Variants in RHBG observed in about 807,000 individuals in gnomAD.
RHBG encodes ammonium transporter Rh type B.
In RHBG, 39 loss-of-function variants were observed where a neutral mutation model predicts 40.1. The observed-to-expected ratio is 0.97, with a 90% CI of 0.75 to 1.27. The LOEUF is 1.27. RHBG is among the 50% of genes most tolerant of loss of function. The pLI is 0.00. For missense variants in RHBG, 549 were observed against 588.1 expected (o/e 0.93, Z 0.69); for synonymous variants, 237 against 252.5 (o/e 0.94, Z 0.58).
intron 5 of RHBG, 32 bp downstream of exon 5, chr1:156,381,545 G>A (rs761086692): frequency 5.1e-6 from 8 of 1,575,734 alleles, no homozygotes; most frequent in Admixed American, 3.6e-5. Flanking sequence ...AGAGGCAGAG[G>A]GGGTGGCCTG....
rs778129531 is a variant in RHBG at position 156,382,161 on chromosome 1, C to T, written c.1072C>T (p.Leu358Phe). 5.0e-6 allele frequency: 8 copies of T among 1,614,140 alleles called. No homozygotes were observed. In the Admixed American group the frequency reaches 1.0e-4, roughly 20 times the overall value. Residue 358 changes from leucine to phenylalanine, a missense_variant, in exon 7 of 10, where the codon CTT becomes TTT. Physicochemically the swap from Leu to Phe is conservative, Grantham distance 22 (BLOSUM62 0). This residue lies in a region of RHBG where 399 missense variants were observed against 417.0 expected (regional missense o/e 0.96). Coordinates refer to ENST00000537040, the MANE Select transcript of RHBG (RefSeq NM_020407.5). ...PGVLGALLGV[L>F]VAGLATHEAY... Reference sequence around the variant, plus strand: ...GGTCCTGGGGGCCCTCCTGGGGGTCCTTGTGGCTGGACTTGCCACCCATGA... The same window carrying T: ...GGTCCTGGGGGCCCTCCTGGGGGTCTTTGTGGCTGGACTTGCCACCCATGA...
chr1:156,384,296 A>C, intron 8 of RHBG: 2 of 610,848 alleles, frequency 3.3e-6, no homozygotes, highest in Non-Finnish European at 5.9e-6. Flanking sequence ...TACAGGAATA[A>C]TATTGGCCTT....
intron 4 of RHBG, among the ~76,000 whole-genome samples, chr1:156,380,725 C>CAAAA (rs564713959): frequency 1.8e-4 from 15 of 81,976 alleles, no homozygotes; most frequent in African/African-American, 4.2e-4. Flanking sequence ...GACCTTGTCT[C>CAAAA]AAAAAAAAAA....
intron 8 of RHBG, among the ~76,000 whole-genome samples, chr1:156,383,648 T>A (rs982030311): frequency 1.3e-5 from 2 of 151,714 alleles, no homozygotes; most frequent in Non-Finnish European, 2.9e-5. Context: ...AAGCACTAGG[T>A]TAGATGTGAA....
chr1:156,377,882 AC>A lies in RHBG; in HGVS notation c.375-104del. Reference sequence around the variant, plus strand: ...TCCTTGTCTTCTCTCCAGAACTCCAACCCCACCCCACCCACCACATCATGCT... The same window carrying A: ...TCCTTGTCTTCTCTCCAGAACTCCAACCCACCCCACCCACCACATCATGCT... On this transcript the variant is annotated intron_variant, in intron 2 of 9. Transcript: ENST00000537040. This position sits in a 1 kb window ranked among gnomAD's most constrained non-coding sequence, Gnocchi z 4.6. 8.4e-7 allele frequency: 1 copy of A among 1,184,026 alleles called. No individual in the cohort carries two copies. The allele number at this position is 1,184,026 out of a possible 1,614,324, so 73.3% of individuals were successfully genotyped here.
chr1:156,369,249 C>A lies in RHBG; in HGVS notation c.-1C>A, dbSNP rs1403743100. 5.6e-6 allele frequency: 9 copies of A among 1,612,516 alleles called. No individual in the cohort carries two copies. Among genetic ancestry groups the A allele is most frequent in the Admixed American group, 1.7e-5 (1 of 59,932 alleles). ...CGCCAGCCGAGATCGCAGCCCAACC[C>A]ATGGCCGGGTCTCCTAGCCGCGCCG... On this transcript the variant is annotated 5_prime_UTR_variant, in exon 1 of 10. Coordinates refer to ENST00000537040, the MANE Select transcript of RHBG (RefSeq NM_020407.5).
At chr1:156,384,174 T>C (rs1667877993) in intron 8 of RHBG, among the ~76,000 whole-genome samples, 1 of 152,192 alleles carries the variant, frequency 6.6e-6, no homozygotes, top group Admixed American at 6.5e-5. Context: ...TGGGAGGCCA[T>C]AGAAAGCTCA....
At chr1:156,370,444 A>G (rs1426957132) in intron 1 of RHBG, among the ~76,000 whole-genome samples, 1 of 105,462 alleles carries the variant, frequency 9.5e-6, no homozygotes, top group Non-Finnish European at 2.0e-5. Context: ...GCGAGACTCC[A>G]TCTCGAGAAA....
chr1:156,382,283 G>GA, intron 7 of RHBG, 82 bp downstream of exon 7: 1 of 1,587,934 alleles, frequency 6.3e-7, no homozygotes, highest in Non-Finnish European at 8.6e-7. Flanking sequence ...GTGTGACCAA[G>GA]AAAAAAGAAT....
At chr1:156,382,439 G>C in intron 7 of RHBG, 1 of 635,736 alleles carries the variant, frequency 1.6e-6, no homozygotes, top group African/African-American at 1.8e-5. Context: ...TTACTGAAGG[G>C]TCAGTAAGAG....
rs756857114 is a variant in RHBG at position 156,381,763 on chromosome 1, G to T, written c.841-43G>T. The T allele has an allele frequency of 3.9e-6, 6 of 1,556,622 alleles. No individual in the cohort carries two copies. The African/African-American group carries it at 8.3e-5, about 22-fold the overall frequency. On this transcript the variant is annotated intron_variant, in intron 5 of 9. Transcript: ENST00000537040. ...TGTGTAGGGTTGGGTTGCTGTGGGT[G>T]TGACAATCTGAAAGGGCCTCCAACA...
chr1:156,378,659 G>A (rs951824551), intron 4 of RHBG, among the ~76,000 whole-genome samples: 26 of 152,086 alleles, frequency 1.7e-4, no homozygotes, highest in Non-Finnish European at 8.8e-5. Context: ...ACCTTCCAGG[G>A]CTCCCACCAG....
Position 156,378,395 on chromosome 1 carries a change from G to A in RHBG, c.669G>A (p.Met223Ile), listed in dbSNP as rs1667382836. 1 of 1,597,102 alleles carries A rather than the reference G, an allele frequency of 6.3e-7. No individual in the cohort carries two copies. Among genetic ancestry groups the A allele is most frequent in the South Asian group, 1.1e-5 (1 of 88,686 alleles). Reference sequence around the variant, plus strand: ...TCTACCATTCAGACCTCTTCGCCATGATTGGTGAGGCCTTCGAGGTGCGGT... The same window carrying A: ...TCTACCATTCAGACCTCTTCGCCATAATTGGTGAGGCCTTCGAGGTGCGGT... ...GSVYHSDLFAMIGTIFLWIFW... is the reference protein window; with the variant it reads ...GSVYHSDLFAIIGTIFLWIFW... The change falls in exon 4 of 10, where the codon ATG becomes ATA. Residue 223 changes from methionine to isoleucine, a missense_variant. Met to Ile is a conservative substitution (Grantham distance 10). This residue lies in a region of RHBG where 399 missense variants were observed against 417.0 expected (regional missense o/e 0.96). Coordinates refer to ENST00000537040, the MANE Select transcript of RHBG (RefSeq NM_020407.5).
In RHBG at chr1:156,377,548, C is replaced by A; in HGVS notation, c.374+61C>A. The stretch of plus-strand genomic sequence containing the variant: ...CACTCGGGAGGCCCCTGCCCATGGG[C>A]CCCGGATCTAGCCCTGTCCTTCAAG... On this transcript the variant is annotated intron_variant, in intron 2 of 9. Transcript: ENST00000537040. This position sits in a 1 kb window ranked among gnomAD's most constrained non-coding sequence, Gnocchi z 4.6. 1 of 1,529,214 alleles carries A rather than the reference C, an allele frequency of 6.5e-7. No homozygotes were observed. The highest frequency in any genetic ancestry group is 1.2e-5 in the South Asian group (1 of 84,506). 94.7% of individuals were successfully genotyped at this position (1,529,214 alleles called of 1,614,324 possible). A position where few individuals can be genotyped will look rare whatever the true frequency, so the allele number is the denominator to read the frequency against.
At chr1:156,378,622 T>G (rs919190179) in intron 4 of RHBG, among the ~76,000 whole-genome samples, 1 of 152,124 alleles carries the variant, frequency 6.6e-6, no homozygotes. Context: ...CTGGGTCCTT[T>G]CTAAATCCAC....
In RHBG at chr1:156,383,899, T is replaced by A. The variant is rs547143222; in HGVS notation, c.1235-628T>A. Among the ~76,000 whole-genome samples the A allele has an allele frequency of 4.2e-5, 6 of 141,350 alleles. No individual in the cohort carries two copies. The East Asian group carries it at 1.3e-3, about 31-fold the overall frequency. The allele number at this position is 141,350 out of a possible 152,430, so 92.7% of individuals were successfully genotyped here. ...CCCAGGCTGGAGTGCAATGGCATGA[T>A]CTCAGCTCACTTCAACCTCCACCTC... On this transcript the variant is annotated intron_variant, in intron 8 of 9. Coordinates refer to ENST00000537040, the MANE Select transcript of RHBG (RefSeq NM_020407.5).
chr1:156,370,889 C>T (rs1666810205), intron 1 of RHBG, among the ~76,000 whole-genome samples: 1 of 151,222 alleles, frequency 6.6e-6, no homozygotes, highest in Non-Finnish European at 1.5e-5. Context: ...GTTAACCTCC[C>T]ACCCCCACCC....
At position 156,377,900 on chromosome 1, in the gene RHBG, C is replaced by CA; in HGVS notation, c.375-89dup. The CA allele has an allele frequency of 7.8e-7, 1 of 1,277,140 alleles. No homozygotes were observed. Among genetic ancestry groups the CA allele is most frequent in the Non-Finnish European group, 1.1e-6 (1 of 928,272 alleles). The allele number at this position is 1,277,140 out of a possible 1,614,324, so 79.1% of individuals were successfully genotyped here. A position where few individuals can be genotyped will look rare whatever the true frequency, so the allele number is the denominator to read the frequency against. On this transcript the variant is annotated intron_variant, in intron 2 of 9. Coordinates refer to ENST00000537040, the MANE Select transcript of RHBG (RefSeq NM_020407.5). The surrounding 1 kb of genome is among the most constrained non-coding windows in gnomAD (Gnocchi z 4.6). ...AACTCCAACCCCACCCCACCCACCACATCATGCTGTCCTGGCTTCATGCCA... is the reference window on the plus strand; with the variant it reads ...AACTCCAACCCCACCCCACCCACCACAATCATGCTGTCCTGGCTTCATGCCA...
Position 156,369,214 on chromosome 1 carries a change from A to C in RHBG, c.-36A>C. 6.3e-7 allele frequency: 1 copy of C among 1,599,694 alleles called. No homozygotes were observed. The highest frequency in any genetic ancestry group is 8.5e-7 in the Non-Finnish European group (1 of 1,173,458). The stretch of plus-strand genomic sequence containing the variant: ...CCTGCCGCCGGGAATTGTCTGCCAA[A>C]GCCTGCGAGCGCCAGCCGAGATCGC... On this transcript the variant is annotated 5_prime_UTR_variant, in exon 1 of 10. Transcript: ENST00000537040.
Sources: gnomAD v4.1 joint callset for allele counts (sites outside exome capture counted in the v4.1 genomes callset) on GRCh38, gnomAD v4.1.1 for gene constraint, gnomAD v4.1.1 regional missense constraint, Gnocchi (gnomAD v3.1) non-coding constraint, MANE v1.5 for transcripts, NCBI Gene and HGNC (gene_info 2026-07-23, HGNC 2026-07-21) for gene names.